ENPP1: variants seen among roughly 807,000 people sequenced by gnomAD.
The protein encoded by ENPP1 is ectonucleotide pyrophosphatase/phosphodiesterase family member 1.
In ENPP1, 73 loss-of-function variants were observed where a neutral mutation model predicts 122.8. The ratio of observed to expected loss-of-function variants is 0.59; its 90% CI spans 0.49 to 0.72. ENPP1 has a LOEUF of 0.72. Among genes scored for constraint, ENPP1 ranks in the 30% least tolerant of loss-of-function variants. ENPP1 has a pLI of 0.00. For missense variants in ENPP1, 978 were observed against 1,128.1 expected (o/e 0.87, Z 1.91); for synonymous variants, 367 against 391.6 (o/e 0.94, Z 0.74).
rs185114034 is a variant in ENPP1 at position 131,828,155 on chromosome 6, G to A, written c.241-19621G>A. ...GTCGTTCTGGATTCCGAGTGGGATC[G>A]GAAACTGATGTCCCGGGATTAGAGG... On this transcript the variant is annotated intron_variant, in intron 1 of 24. Transcript: ENST00000647893. 76 of 579,666 alleles carry A rather than the reference G, an allele frequency of 1.3e-4. 1 individual carries two copies. Among genetic ancestry groups the A allele is most frequent in the African/African-American group, 1.1e-3 (59 of 53,538 alleles). The allele number at this position is 579,666 out of a possible 1,614,324, so 35.9% of individuals were successfully genotyped here.
intron 20 of ENPP1, among the ~76,000 whole-genome samples, chr6:131,881,499 G>A (rs1268295143): frequency 1.3e-5 from 2 of 152,118 alleles, no homozygotes; most frequent in Non-Finnish European, 2.9e-5. Context: ...GCTGTTCGGT[G>A]ACTGTCCTCC....
At chr6:131,819,199 G>GC (rs1781454421) in intron 1 of ENPP1, among the ~76,000 whole-genome samples, 1 of 152,092 alleles carries the variant, frequency 6.6e-6, no homozygotes, top group South Asian at 2.1e-4. Flanking sequence ...TTATGCATTG[G>GC]TATAATTTCC....
Position 131,882,351 on chromosome 6 carries a change from T to G in ENPP1, c.2107T>G (p.Phe703Val), listed in dbSNP as rs773549139. Residue 703 changes from phenylalanine to valine, a missense_variant, in exon 21 of 25, where the codon TTC becomes GTC. Physicochemically the swap from Phe to Val is conservative, Grantham distance 50 (BLOSUM62 -1). Transcript: ENST00000647893. ...TSYTVDRNDS[F>V]STEDFSNCLY... ...TCTCATTTTCGTTCTTCAGGACAGT[T>G]TCTCTACGGAAGACTTCTCCAACTG... is the stretch of plus-strand genomic sequence containing the variant. 7 of 1,601,136 alleles carry G rather than the reference T, an allele frequency of 4.4e-6. No individual in the cohort carries two copies. Among genetic ancestry groups the G allele is most frequent in the Non-Finnish European group, 3.4e-6 (4 of 1,171,790 alleles).
At chr6:131,837,065 A>G (rs1379277772) in intron 1 of ENPP1, among the ~76,000 whole-genome samples, 1 of 152,056 alleles carries the variant, frequency 6.6e-6, no homozygotes, top group Non-Finnish European at 1.5e-5. Context: ...CCATTAGCCT[A>G]CTGATTGCTT....
intron 1 of ENPP1, among the ~76,000 whole-genome samples, chr6:131,847,330 A>G (rs1380941922): frequency 6.6e-6 from 1 of 152,236 alleles, no homozygotes; most frequent in Non-Finnish European, 1.5e-5. Flanking sequence ...TTCTAATTAC[A>G]TTAACATTGG....
At chr6:131,831,163 T>TAAAAATG (rs1158412083) in intron 1 of ENPP1, among the ~76,000 whole-genome samples, 4 of 150,660 alleles carry the variant, frequency 2.7e-5, no homozygotes, top group Non-Finnish European at 5.9e-5. Flanking sequence ...CAAAAAATTT[T>TAAAAATG]AAAAATGAAA....
intron 1 of ENPP1, among the ~76,000 whole-genome samples, chr6:131,846,180 A>G (rs1486641557): frequency 1.3e-5 from 2 of 152,140 alleles, no homozygotes; most frequent in Admixed American, 6.5e-5. Context: ...TGAAGGAATG[A>G]ATTCTTATAA....
At chr6:131,875,903 G>C (rs1562182633) in intron 17 of ENPP1, 40 bp downstream of exon 17, 5 of 1,475,554 alleles carry the variant, frequency 3.4e-6, no homozygotes, top group Non-Finnish European at 4.7e-6. Flanking sequence ...TCTGAAAATA[G>C]ACCTGAAATA....
intron 16 of ENPP1, 104 bp from the exon 17 acceptor site, chr6:131,875,672 T>G: frequency 1.2e-6 from 1 of 851,896 alleles, no homozygotes. Context: ...CCTCTTATCT[T>G]ATCATAACCA....
chr6:131,815,639 G>A (rs1055848237), intron 1 of ENPP1, among the ~76,000 whole-genome samples: 15 of 151,638 alleles, frequency 9.9e-5, no homozygotes, highest in African/African-American at 2.9e-4. Flanking sequence ...TATGTGTTCT[G>A]TATAATAAAG....
chr6:131,854,133 G>A (rs1054195279), intron 5 of ENPP1, among the ~76,000 whole-genome samples: 1 of 152,062 alleles, frequency 6.6e-6, no homozygotes, highest in Non-Finnish European at 1.5e-5. Context: ...AGGCTTGGTG[G>A]GTGGCTCACA....
intron 23 of ENPP1, 78 bp downstream of exon 23, chr6:131,885,141 C>T: frequency 7.0e-7 from 1 of 1,426,312 alleles, no homozygotes; most frequent in Non-Finnish European, 9.8e-7. Context: ...GTTGAGTCAA[C>T]AGAACCTTTT....
intron 8 of ENPP1, 45 bp from the exon 9 acceptor site, chr6:131,861,550 G>T (rs1782023011): frequency 8.4e-7 from 1 of 1,194,384 alleles, no homozygotes; most frequent in Non-Finnish European, 1.3e-6. Flanking sequence ...CCTAAGAGAT[G>T]AATGTTTGCA....
At chr6:131,822,291 G>A (rs974037790) in intron 1 of ENPP1, among the ~76,000 whole-genome samples, 4 of 152,190 alleles carry the variant, frequency 2.6e-5, no homozygotes, top group African/African-American at 9.6e-5. Flanking sequence ...CAGGGTTCAT[G>A]TAAAGGGTCT....
chr6:131,870,998 C>T (rs1782155140), intron 13 of ENPP1, among the ~76,000 whole-genome samples: 1 of 152,016 alleles, frequency 6.6e-6, no homozygotes, highest in Non-Finnish European at 1.5e-5. Flanking sequence ...ATTGCTTGAA[C>T]CTGGGAGGCA....
Position 131,808,351 on chromosome 6 carries a change from C to G in ENPP1, c.240+76C>G. The G allele has an allele frequency of 2.2e-6, 3 of 1,393,068 alleles. No homozygotes were observed. In the African/African-American group the frequency reaches 4.5e-5, roughly 21 times the overall value. The allele number at this position is 1,393,068 out of a possible 1,614,324, so 86.3% of individuals were successfully genotyped here. ...GGGCGGCGCCGAGCTCCTGCGCTCTCAGCGCAGTCAGCACCGGGCACCGGA... is the reference window on the plus strand; with the variant it reads ...GGGCGGCGCCGAGCTCCTGCGCTCTGAGCGCAGTCAGCACCGGGCACCGGA... On this transcript the variant is annotated intron_variant, in intron 1 of 24. Transcript: ENST00000647893.
At chr6:131,876,673 A>G (rs1585836694) in intron 17 of ENPP1, among the ~76,000 whole-genome samples, 1 of 152,204 alleles carries the variant, frequency 6.6e-6, no homozygotes, top group African/African-American at 2.4e-5. Flanking sequence ...AACTTATAAA[A>G]TTGTTTTGGG....
At position 131,887,559 on chromosome 6, in the gene ENPP1, A is replaced by ATTT. The variant is rs71030768; in HGVS notation, c.2607+850_2607+852dup. 1.5e-4 allele frequency among the ~76,000 whole-genome samples: 13 copies of ATTT among 86,326 alleles called. 1 individual carries two copies. The highest frequency in any genetic ancestry group is 5.8e-4 in the African/African-American group (10 of 17,238). The allele number at this position is 86,326 out of a possible 152,430, so 56.6% of individuals were successfully genotyped here. On this transcript the variant is annotated intron_variant, in intron 24 of 24. Transcript: ENST00000647893. ...AGGCGCCCGCCACCACACCCAGCTA[A>ATTT]TTTTTTTTTTTTTTTTTGAGACAGA...
chr6:131,834,906 G>A (rs1050210126), intron 1 of ENPP1, among the ~76,000 whole-genome samples: 4 of 152,096 alleles, frequency 2.6e-5, no homozygotes, highest in African/African-American at 7.2e-5. Flanking sequence ...AGGGTCAGGG[G>A]TTATTCAAAT....
Sources: allele counts gnomAD v4.1 joint callset (sites outside exome capture counted in the v4.1 genomes callset), GRCh38; gene constraint gnomAD v4.1.1; transcripts MANE v1.5; gene names NCBI Gene and HGNC (gene_info 2026-07-23, HGNC 2026-07-21).